The following CDH4 variants were observed in gnomAD, a reference collection of about 807,000 sequenced individuals.
CDH4 encodes cadherin 4, also known as cadherin-4.
Under a neutral mutation model 86.0 loss-of-function variants are expected in CDH4, and 33 were observed. The ratio of observed to expected loss-of-function variants is 0.38; its 90% CI spans 0.29 to 0.51. CDH4 has a LOEUF of 0.51. CDH4 is among the 20% of genes least tolerant of loss of function. The probability of loss-of-function intolerance (pLI) is 0.86; values close to 1 mark genes in which losing one functional copy is unlikely to be tolerated. For missense variants in CDH4, 1,114 were observed against 1,307.4 expected (o/e 0.85, Z 2.28); for synonymous variants, 555 against 549.4 (o/e 1.01, Z -0.14).
rs1244804453 is a variant in CDH4 at position 61,287,630 on chromosome 20, C to T, written c.169+32693C>T. Among the ~76,000 whole-genome samples the T allele has an allele frequency of 2.4e-4, 36 of 152,174 alleles. 1 individual carries two copies. The highest frequency in any genetic ancestry group is 2.4e-3 in the Admixed American group (36 of 15,286). Reference sequence around the variant, plus strand: ...GGGAGCCTGGAGTTTGGTGGACCGTCACGGGCATGCATCCCAGGCTGCCGA... The same window carrying T: ...GGGAGCCTGGAGTTTGGTGGACCGTTACGGGCATGCATCCCAGGCTGCCGA... On this transcript the variant is annotated intron_variant, in intron 2 of 15. Coordinates refer to ENST00000614565, the MANE Select transcript of CDH4 (RefSeq NM_001794.5).
chr20:61,374,714 G>A (rs1407383232), intron 2 of CDH4, among the ~76,000 whole-genome samples: 1 of 152,170 alleles, frequency 6.6e-6, no homozygotes, highest in Non-Finnish European at 1.5e-5. Context: ...TGCCTCCAGG[G>A]CTCTCTAGAA....
intron 4 of CDH4, among the ~76,000 whole-genome samples, chr20:61,828,063 C>T (rs965535936): frequency 3.3e-5 from 5 of 152,100 alleles, no homozygotes; most frequent in Non-Finnish European, 7.3e-5. Context: ...GGTAATATGA[C>T]GGGAAGTTGC....
chr20:61,895,094 G>A (rs575470738), intron 8 of CDH4, 47 bp downstream of exon 8: 1 of 1,598,240 alleles, frequency 6.3e-7, no homozygotes, highest in South Asian at 1.1e-5. Flanking sequence ...GTGCAGGGCA[G>A]GAATGCACTG....
At chr20:61,390,020 T>C (rs183866561) in intron 2 of CDH4, among the ~76,000 whole-genome samples, 2 of 150,948 alleles carry the variant, frequency 1.3e-5, no homozygotes, top group African/African-American at 4.9e-5. Context: ...CATAGCACCA[T>C]GTCTGGGAGA....
At chr20:61,523,368 C>G (rs549949739) in intron 2 of CDH4, among the ~76,000 whole-genome samples, 1 of 152,246 alleles carries the variant, frequency 6.6e-6, no homozygotes, top group Non-Finnish European at 1.5e-5. Flanking sequence ...GCGTTTGCCA[C>G]GTGTGATGAT....
chr20:61,381,252 T>C (rs932981580), intron 2 of CDH4, among the ~76,000 whole-genome samples: 1 of 152,178 alleles, frequency 6.6e-6, no homozygotes, highest in African/African-American at 2.4e-5. Context: ...TGACTCTTGA[T>C]AGGAGTTGCT....
intron 2 of CDH4, among the ~76,000 whole-genome samples, chr20:61,715,866 A>G (rs2087947087): frequency 6.6e-6 from 1 of 152,186 alleles, no homozygotes; most frequent in Non-Finnish European, 1.5e-5. Flanking sequence ...AGGAGCCAGC[A>G]TTTCTAACAT....
At chr20:61,927,560 G>A (rs1206823180) in intron 11 of CDH4, among the ~76,000 whole-genome samples, 2 of 152,214 alleles carry the variant, frequency 1.3e-5, no homozygotes, top group African/African-American at 2.4e-5. Context: ...CATGCGTCTG[G>A]GCTCAGGGCT....
At position 61,612,029 on chromosome 20, in the gene CDH4, C is replaced by T. The variant is rs899641299; in HGVS notation, c.170-131534C>T. On this transcript the variant is annotated intron_variant, in intron 2 of 15. Transcript: ENST00000614565. ...TTTTGCAAAGGTTTCTTGGATATTACGCACATTGTTGATTTTGCCAGATAG... is the reference window on the plus strand; with the variant it reads ...TTTTGCAAAGGTTTCTTGGATATTATGCACATTGTTGATTTTGCCAGATAG... 4.6e-5 allele frequency among the ~76,000 whole-genome samples: 7 copies of T among 152,188 alleles called. No individual in the cohort carries two copies. The South Asian group carries it at 6.2e-4, about 14-fold the overall frequency.
chr20:61,932,213 G>T (rs1047177194), intron 13 of CDH4, among the ~76,000 whole-genome samples: 1 of 152,146 alleles, frequency 6.6e-6, no homozygotes, highest in Non-Finnish European at 1.5e-5. Context: ...TTGTGGGTGG[G>T]CCCCTCAGCC....
chr20:61,741,523 G>A (rs569903713), intron 2 of CDH4, among the ~76,000 whole-genome samples: 52 of 150,560 alleles, frequency 3.5e-4, no homozygotes, highest in African/African-American at 1.2e-3. Flanking sequence ...ACCGAGTCTC[G>A]CTCTGTTGCG....
chr20:61,320,371 G>T (rs1247888885), intron 2 of CDH4, among the ~76,000 whole-genome samples: 1 of 152,096 alleles, frequency 6.6e-6, no homozygotes, highest in Non-Finnish European at 1.5e-5. Context: ...GTCCCTGGGG[G>T]CTCACAGCCT....
At chr20:61,770,651 A>G (rs1342292673) in intron 3 of CDH4, among the ~76,000 whole-genome samples, 1 of 152,214 alleles carries the variant, frequency 6.6e-6, no homozygotes, top group Non-Finnish European at 1.5e-5. Flanking sequence ...TGGGAGGCTG[A>G]GACGGGAGGA....
chr20:61,660,110 C>G (rs981120072), intron 2 of CDH4, among the ~76,000 whole-genome samples: 1 of 152,180 alleles, frequency 6.6e-6, no homozygotes, highest in Non-Finnish European at 1.5e-5. Context: ...ATGGAAACAC[C>G]CACAGGTGGC....
intron 9 of CDH4, among the ~76,000 whole-genome samples, chr20:61,911,858 T>C (rs577177295): frequency 6.6e-6 from 1 of 152,192 alleles, no homozygotes; most frequent in South Asian, 2.1e-4. Flanking sequence ...GCAAGTTTCA[T>C]TTTGAGTTGG....
chr20:61,585,643 ATGATGGTGATGGTGATGGTGATTG>A (rs1314394888), intron 2 of CDH4, among the ~76,000 whole-genome samples: 4 of 151,512 alleles, frequency 2.6e-5, no homozygotes, highest in Non-Finnish European at 5.9e-5. Context: ...GATGGTGATG[ATGATGGTGATGGTGATGGTGATTG>A]TGATGGTGAT....
intron 2 of CDH4, among the ~76,000 whole-genome samples, chr20:61,506,699 A>G (rs1303053537): frequency 6.6e-6 from 1 of 152,118 alleles, no homozygotes; most frequent in Admixed American, 6.5e-5. Flanking sequence ...GGCTGAGCCA[A>G]CTCTAGCGTA....
At position 61,254,828 on chromosome 20, in the gene CDH4, C is replaced by T. The variant is rs760670371; in HGVS notation, c.60C>T (p.Ala20=). 1.4e-5 allele frequency: 22 copies of T among 1,580,550 alleles called. No individual in the cohort carries two copies. The African/African-American group carries it at 3.0e-4, about 21-fold the overall frequency. Reference sequence around the variant, plus strand: ...CACTCTCCCCTTTGTGTTCTCAGGCCCATAATGAGGATCTTACAACTAGAG... The same window carrying T: ...CACTCTCCCCTTTGTGTTCTCAGGCTCATAATGAGGATCTTACAACTAGAG... ...LLLSLSGALR[A]HNEDLTTRET... is the part of the protein sequence containing the mutation. Residue 20 remains alanine, a splice_region_variant and synonymous_variant, in exon 2 of 16, where the codon GCC becomes GCT. Coordinates refer to ENST00000614565, the MANE Select transcript of CDH4 (RefSeq NM_001794.5).
intron 2 of CDH4, among the ~76,000 whole-genome samples, chr20:61,444,986 T>C (rs568860254): frequency 4.6e-4 from 70 of 152,156 alleles, no homozygotes; most frequent in African/African-American, 1.5e-3. Flanking sequence ...TGCGTGTGTG[T>C]TTGTATGTAT....
Sources: allele counts gnomAD v4.1 joint callset (sites outside exome capture counted in the v4.1 genomes callset), GRCh38; gene constraint gnomAD v4.1.1; transcripts MANE v1.5; gene names NCBI Gene and HGNC (gene_info 2026-07-23, HGNC 2026-07-21).